Variants in VAV1 observed in about 807,000 individuals in gnomAD.
VAV1 encodes the protein vav guanine nucleotide exchange factor 1, also known as proto-oncogene vav.
Under a neutral mutation model 128.1 loss-of-function variants are expected in VAV1, and 33 were observed. The ratio of observed to expected loss-of-function variants is 0.26; its 90% CI spans 0.20 to 0.34. The LOEUF is 0.34. Ranked by LOEUF, VAV1 falls within the 10% of genes least tolerant of loss-of-function variation. The pLI is 1.00. For missense variants in VAV1, 715 were observed against 1,093.7 expected, an observed-to-expected ratio of 0.65 and a Z score of 4.88; for synonymous variants, 394 against 409.8, an observed-to-expected ratio of 0.96 and a Z score of 0.47.
chr19:6,772,746 T>TGCGG lies in VAV1; in HGVS notation c.-56_-53dup. On this transcript the variant is annotated 5_prime_UTR_variant, in exon 1 of 27. Transcript: ENST00000602142. This position sits in a 1 kb window ranked among gnomAD's most constrained non-coding sequence, Gnocchi z 4.8. ...GCTCCACAGGCGAGCAGGGCAGGCG[T>TGCGG]GCGGGCGGGTGGGTGGTGGAGGCTG... 2.6e-6 allele frequency: 4 copies of TGCGG among 1,548,116 alleles called. No individual in the cohort carries two copies. The South Asian group carries it at 4.7e-5, about 18-fold the overall frequency.
rs774581496 is a variant in VAV1, at chr19:6,828,925, G to A, written c.1265+25G>A. 237 of 1,613,504 alleles carry A rather than the reference G, an allele frequency of 1.5e-4. No homozygotes were observed. Among genetic ancestry groups the A allele is most frequent in the Non-Finnish European group, 2.0e-4 (232 of 1,179,838 alleles). On this transcript the variant is annotated intron_variant, in intron 13 of 26. Coordinates refer to ENST00000602142, the MANE Select transcript of VAV1 (RefSeq NM_005428.4). The surrounding 1 kb of genome is among the most constrained non-coding windows in gnomAD (Gnocchi z 4.5). Reference sequence around the variant, plus strand: ...GGTGGGTGGAGTCAACATGGATCTGGGATGGAGCCTGGGCAAAGGGGTGGG... The same window carrying A: ...GGTGGGTGGAGTCAACATGGATCTGAGATGGAGCCTGGGCAAAGGGGTGGG...
intron 6 of VAV1, among the ~76,000 whole-genome samples, chr19:6,824,156 G>T (rs1457075758): frequency 6.6e-6 from 1 of 152,006 alleles, no homozygotes; most frequent in Non-Finnish European, 1.5e-5. Context: ...GCCCAGGCTG[G>T]TCTCCTACTC....
intron 22 of VAV1, among the ~76,000 whole-genome samples, chr19:6,847,421 G>T (rs1972551692): frequency 6.6e-6 from 1 of 152,120 alleles, no homozygotes; most frequent in Non-Finnish European, 1.5e-5. Context: ...GTGGCCGTTT[G>T]TGCCTGGCTT....
chr19:6,774,043 A>T (rs1970563184), intron 1 of VAV1, among the ~76,000 whole-genome samples: 1 of 152,108 alleles, frequency 6.6e-6, no homozygotes, highest in African/African-American at 2.4e-5. Context: ...AGATGGGCCC[A>T]TGGGGGTTCC....
At chr19:6,844,905 C>G (rs1247372141) in intron 22 of VAV1, among the ~76,000 whole-genome samples, 1 of 151,884 alleles carries the variant, frequency 6.6e-6, no homozygotes, top group Non-Finnish European at 1.5e-5. Context: ...AATACCAAAA[C>G]TGTAACTAAA....
Position 6,836,595 on chromosome 19 carries a change from G to A in VAV1, c.1914+27G>A, listed in dbSNP as rs777250984. On this transcript the variant is annotated intron_variant, in intron 20 of 26. Coordinates refer to ENST00000602142, the MANE Select transcript of VAV1 (RefSeq NM_005428.4). ...TACAGGCTGGGGCCACAAGAGTGAT[G>A]GGGTGGGACCCAAGTGTAGGGTTAT... 11 of 1,612,792 alleles carry A rather than the reference G, an allele frequency of 6.8e-6. No individual in the cohort carries two copies. The South Asian group carries it at 1.1e-4, about 16-fold the overall frequency.
intron 1 of VAV1, among the ~76,000 whole-genome samples, chr19:6,792,908 T>C (rs1971047381): frequency 6.6e-6 from 1 of 152,098 alleles, no homozygotes; most frequent in Admixed American, 6.5e-5. Flanking sequence ...GACAGGCCCC[T>C]CTCCCACCAA....
At chr19:6,827,512 C>A (rs1448568693) in intron 9 of VAV1, among the ~76,000 whole-genome samples, 1 of 151,984 alleles carries the variant, frequency 6.6e-6, no homozygotes, top group Non-Finnish European at 1.5e-5. Context: ...TGGGCTCAAG[C>A]GACTCACCCA....
intron 1 of VAV1, among the ~76,000 whole-genome samples, chr19:6,802,759 T>C (rs1307154958): frequency 6.6e-6 from 1 of 152,210 alleles, no homozygotes; most frequent in East Asian, 1.9e-4. Context: ...GACTTTGGGA[T>C]CCAGTGCTGG....
intron 15 of VAV1, 125 bp from the exon 16 acceptor site, chr19:6,833,059 A>G: frequency 2.5e-6 from 2 of 813,138 alleles, no homozygotes; most frequent in Non-Finnish European, 3.8e-6. Context: ...ACGACCCAAA[A>G]GCCAATCAAT....
At chr19:6,836,678 C>G in intron 20 of VAV1, 110 bp downstream of exon 20, 1 of 1,491,412 alleles carries the variant, frequency 6.7e-7, no homozygotes, top group Non-Finnish European at 9.0e-7. Flanking sequence ...GGAGGTGATG[C>G]CTGGGGAGTG....
chr19:6,846,481 C>T (rs1393957610), intron 22 of VAV1, among the ~76,000 whole-genome samples: 2 of 150,928 alleles, frequency 1.3e-5, no homozygotes, highest in Non-Finnish European at 2.9e-5. Context: ...CCAGCTACTC[C>T]AGAGGCTGAG....
chr19:6,808,161 A>G (rs1408291908), intron 1 of VAV1, among the ~76,000 whole-genome samples: 1 of 151,670 alleles, frequency 6.6e-6, no homozygotes, highest in African/African-American at 2.4e-5. Context: ...AAAATACAAA[A>G]ATTAGCCAGG....
intron 1 of VAV1, among the ~76,000 whole-genome samples, chr19:6,817,380 G>C (rs936718830): frequency 5.9e-5 from 9 of 152,060 alleles, no homozygotes; most frequent in African/African-American, 2.2e-4. Context: ...TGCAAATATT[G>C]TTATGGTAGG....
At chr19:6,854,680 A>G (rs1055745229) in intron 26 of VAV1, among the ~76,000 whole-genome samples, 2 of 152,138 alleles carry the variant, frequency 1.3e-5, no homozygotes, top group Non-Finnish European at 2.9e-5. Flanking sequence ...GTGCCACTGC[A>G]GCCTGGGTGA....
intron 22 of VAV1, among the ~76,000 whole-genome samples, chr19:6,843,954 G>A (rs538081916): frequency 6.6e-6 from 1 of 151,428 alleles, no homozygotes; most frequent in South Asian, 2.1e-4. Context: ...AACAATTGCT[G>A]GCGCATCAGC....
intron 21 of VAV1, among the ~76,000 whole-genome samples, chr19:6,842,504 A>T (rs1171633361): frequency 6.6e-6 from 1 of 152,106 alleles, no homozygotes; most frequent in Non-Finnish European, 1.5e-5. Flanking sequence ...GGTGAATTTC[A>T]TATGATCTTC....
chr19:6,856,464 G>A (rs1159455364), intron 26 of VAV1, among the ~76,000 whole-genome samples: 2 of 152,150 alleles, frequency 1.3e-5, no homozygotes, highest in Admixed American at 1.3e-4. Flanking sequence ...GCTCATGCCT[G>A]TAATCCCAGC....
chr19:6,797,438 C>G (rs765414911), intron 1 of VAV1, among the ~76,000 whole-genome samples: 35 of 152,008 alleles, frequency 2.3e-4, no homozygotes, highest in Admixed American at 1.3e-4. Flanking sequence ...CACAGTGGCT[C>G]ATGCCTGTAA....
Sources: gnomAD v4.1 joint callset for allele counts (sites outside exome capture counted in the v4.1 genomes callset) on GRCh38, gnomAD v4.1.1 for gene constraint, Gnocchi (gnomAD v3.1) non-coding constraint, MANE v1.5 for transcripts, NCBI Gene and HGNC (gene_info 2026-07-23, HGNC 2026-07-21) for gene names.